AP1B1: variants seen among roughly 807,000 people sequenced by gnomAD.
The protein encoded by AP1B1 is AP-1 complex subunit beta-1.
AP1B1 carries 36 observed loss-of-function variants against 104.3 expected under a neutral mutation model. The ratio of observed to expected loss-of-function variants is 0.35; its 90% CI spans 0.26 to 0.46. AP1B1 has a LOEUF of 0.46. Ranked by LOEUF, AP1B1 falls within the 20% of genes least tolerant of loss-of-function variation. The pLI is 1.00. For missense variants in AP1B1, 901 were observed against 1,247.9 expected, an observed-to-expected ratio of 0.72 and a Z score of 4.19; for synonymous variants, 504 against 517.5, an observed-to-expected ratio of 0.97 and a Z score of 0.35.
chr22:29,362,451 A>G (rs1340628246), intron 3 of AP1B1, among the ~76,000 whole-genome samples: 1 of 151,938 alleles, frequency 6.6e-6, no homozygotes, highest in Non-Finnish European at 1.5e-5. Context: ...GGTTCAAGCA[A>G]TTCTCCTGCC....
intron 5 of AP1B1, among the ~76,000 whole-genome samples, chr22:29,357,693 T>TTG (rs958626326): frequency 6.7e-6 from 1 of 149,150 alleles, no homozygotes; most frequent in Non-Finnish European, 1.5e-5. Flanking sequence ...CAGCTGTTTT[T>TTG]TTTTTTTTTT....
chr22:29,350,200 G>A lies in AP1B1; in HGVS notation c.1156-50C>T, dbSNP rs757879306. The A allele has an allele frequency of 6.5e-5, 96 of 1,474,670 alleles. No homozygotes were observed. In the South Asian group the frequency reaches 1.0e-3, roughly 15 times the overall value. 91.3% of individuals were successfully genotyped at this position (1,474,670 alleles called of 1,614,324 possible). ...GCGAGGTCCCCGCACCCCATTTCCAGTAGAGCCTCTGATGTCCACGCCTCG... is the reference window on the plus strand; with the variant it reads ...GCGAGGTCCCCGCACCCCATTTCCAATAGAGCCTCTGATGTCCACGCCTCG... On this transcript the variant is annotated intron_variant, in intron 9 of 22. Coordinates refer to ENST00000357586, the MANE Select transcript of AP1B1 (RefSeq NM_001127.4).
At chr22:29,346,093 T>G (rs1368431658) in intron 11 of AP1B1, among the ~76,000 whole-genome samples, 1 of 152,222 alleles carries the variant, frequency 6.6e-6, no homozygotes, top group African/African-American at 2.4e-5. Flanking sequence ...GGCCCAGCAG[T>G]CTTTGCAATA....
At chr22:29,351,677 C>T (rs369441896) in intron 8 of AP1B1, 28 bp downstream of exon 8, 78 of 1,611,980 alleles carry the variant, frequency 4.8e-5, no homozygotes, top group South Asian at 1.9e-4. Context: ...ACACTGAGCC[C>T]GTGTCCTGAC....
chr22:29,337,469 T>C (rs1422602780), intron 16 of AP1B1, among the ~76,000 whole-genome samples: 1 of 152,102 alleles, frequency 6.6e-6, no homozygotes, highest in Non-Finnish European at 1.5e-5. Context: ...GAAAGCCAGC[T>C]CAGGGGGTGG....
intron 7 of AP1B1, among the ~76,000 whole-genome samples, chr22:29,352,738 C>T (rs753116807): frequency 3.3e-5 from 5 of 152,064 alleles, no homozygotes; most frequent in East Asian, 3.9e-4. Context: ...AGACGAGCCT[C>T]GGCAACAGAG....
chr22:29,338,856 C>T (rs2061673498), intron 16 of AP1B1, 134 bp downstream of exon 16: 1 of 1,283,414 alleles, frequency 7.8e-7, no homozygotes, highest in Non-Finnish European at 1.1e-6. Context: ...TTCCTCGGTG[C>T]CCCTGTGGCC....
At chr22:29,362,871 T>C (rs2062072989) in intron 3 of AP1B1, 130 bp downstream of exon 3, 1 of 660,570 alleles carries the variant, frequency 1.5e-6, no homozygotes, top group Non-Finnish European at 2.8e-6. Context: ...AAGAAAGTTT[T>C]ATGAAGGGAG....
chr22:29,351,721 T>A lies in AP1B1; in HGVS notation c.1043A>T (p.Gln348Leu). ...GCAGCTGACCTGGGCGATGTTGGCC[T>A]GAGAGGCCAGGCGGATCATGATGTC... ...KLDIMIRLASQANIAQVLAEL... is the reference protein window; with the variant it reads ...KLDIMIRLASLANIAQVLAEL... Residue 348 changes from glutamine to leucine, a missense_variant, in exon 8 of 23, where the codon CAG (glutamine) becomes CTG (leucine). Gln to Leu is a moderately radical substitution (Grantham distance 113, BLOSUM62 -2). This residue lies in a region of AP1B1 where 471 missense variants were observed against 696.7 expected (regional missense o/e 0.68). Coordinates refer to ENST00000357586, the MANE Select transcript of AP1B1 (RefSeq NM_001127.4). 6.2e-7 allele frequency: 1 copy of A among 1,614,050 alleles called. No individual in the cohort carries two copies.
Position 29,331,461 on chromosome 22 carries a change from C to A in AP1B1, c.2512G>T (p.Asp838Tyr). The A allele has an allele frequency of 6.2e-7, 1 of 1,614,184 alleles. No homozygotes were observed. Among genetic ancestry groups the A allele is most frequent in the Non-Finnish European group, 8.5e-7 (1 of 1,180,018 alleles). The part of the protein sequence containing the change: ...LYPLHILFVE[D>Y]GKMDRQMFLA... Reference sequence around the variant, plus strand: ...CCTCATGACTCACCCATCTTCCCGTCCTCCACAAAGAGGATGTGCAGTGGG... The same window carrying A: ...CCTCATGACTCACCCATCTTCCCGTACTCCACAAAGAGGATGTGCAGTGGG... The change falls in exon 19 of 23, where the codon GAC (aspartate) becomes TAC (tyrosine). Residue 838 changes from aspartate (D) to tyrosine (Y), a missense_variant. Physicochemically the swap from Asp to Tyr is radical, Grantham distance 160. Coordinates refer to ENST00000357586, the MANE Select transcript of AP1B1 (RefSeq NM_001127.4).
chr22:29,383,710 A>G (rs1486353364), intron 1 of AP1B1, among the ~76,000 whole-genome samples: 1 of 132,756 alleles, frequency 7.5e-6, no homozygotes, highest in East Asian at 2.3e-4. Context: ...AAAAAAAAAA[A>G]GCTTTTGAGA....
In AP1B1 at chr22:29,351,033, GC is replaced by G. The variant is rs879298221; in HGVS notation, c.1155+137del. The G allele has an allele frequency of 2.3e-5, 18 of 791,500 alleles. No individual in the cohort carries two copies. The East Asian group carries it at 4.2e-4, about 18-fold the overall frequency. The allele number at this position is 791,500 out of a possible 1,614,324, so 49.0% of individuals were successfully genotyped here. A position where few individuals can be genotyped will look rare whatever the true frequency, so the allele number is the denominator to read the frequency against. On this transcript the variant is annotated intron_variant, in intron 9 of 22. Coordinates refer to ENST00000357586, the MANE Select transcript of AP1B1 (RefSeq NM_001127.4). ...ACCCCACCAGATCTGCACAATGCTT[GC>G]CATGGGGGCTCCAGTGATGAGCCTC...
At chr22:29,341,415 G>T in intron 13 of AP1B1, 86 bp downstream of exon 13, 1 of 1,520,084 alleles carries the variant, frequency 6.6e-7, no homozygotes, top group Non-Finnish European at 8.9e-7. Context: ...CTTGCTGGGG[G>T]ACAACACGCC....
chr22:29,346,794 TG>T (rs112494263), intron 11 of AP1B1, among the ~76,000 whole-genome samples: 40 of 147,678 alleles, frequency 2.7e-4, no homozygotes, highest in East Asian at 9.9e-4. Context: ...CAGGTGGCAG[TG>T]GGGGGGGGTG....
At chr22:29,371,396 T>C (rs1367315780) in intron 1 of AP1B1, among the ~76,000 whole-genome samples, 2 of 152,160 alleles carry the variant, frequency 1.3e-5, no homozygotes, top group Admixed American at 1.3e-4. Flanking sequence ...GGCTGAGACC[T>C]TGTTCTCTGA....
chr22:29,343,483 T>C (rs541233115), intron 11 of AP1B1, among the ~76,000 whole-genome samples: 23 of 152,348 alleles, frequency 1.5e-4, no homozygotes, highest in South Asian at 1.4e-3. Context: ...CAGCAGCAGA[T>C]GAGCAGTAGG....
At position 29,339,656 on chromosome 22, in the gene AP1B1, T is replaced by C. The variant is rs2061685606; in HGVS notation, c.2019+98A>G. The C allele has an allele frequency of 5.3e-6, 7 of 1,317,022 alleles. No individual in the cohort carries two copies. In the South Asian group the frequency reaches 8.9e-5, roughly 17 times the overall value. The allele number at this position is 1,317,022 out of a possible 1,614,324, so 81.6% of individuals were successfully genotyped here. ...AGGCAGGGGCTCAGCAGGTGGAGGC[T>C]GCTGTGACATCACCCGCCCCCGCCC... On this transcript the variant is annotated intron_variant, in intron 15 of 22. Coordinates refer to ENST00000357586, the MANE Select transcript of AP1B1 (RefSeq NM_001127.4).
intron 17 of AP1B1, 24 bp downstream of exon 17, chr22:29,334,241 G>A (rs780887038): frequency 2.5e-6 from 4 of 1,569,280 alleles, no homozygotes; most frequent in East Asian, 4.6e-5. Flanking sequence ...CTTGAGAGGT[G>A]CGCTGGCCTC....
In AP1B1 at chr22:29,329,200, G is replaced by A. The variant is rs1006818060; in HGVS notation, c.2776-305C>T. ...AGGGAGTGCCCGGCCCCCACCCTGA[G>A]GGCTGCCCGGCCCCCCAGAGTCCCT... On this transcript the variant is annotated intron_variant, in intron 22 of 22. Coordinates refer to ENST00000357586, the MANE Select transcript of AP1B1 (RefSeq NM_001127.4). The A allele has an allele frequency of 7.3e-6, 9 of 1,232,562 alleles. No individual in the cohort carries two copies. The African/African-American group carries it at 1.2e-4, about 17-fold the overall frequency. The allele number at this position is 1,232,562 out of a possible 1,614,324, so 76.4% of individuals were successfully genotyped here.
Sources: gnomAD v4.1 joint callset for allele counts (sites outside exome capture counted in the v4.1 genomes callset) on GRCh38, gnomAD v4.1.1 for gene constraint, gnomAD v4.1.1 regional missense constraint, MANE v1.5 for transcripts, NCBI Gene and HGNC (gene_info 2026-07-23, HGNC 2026-07-21) for gene names.